Variants in CC2D2A observed in about 807,000 individuals in gnomAD.
The protein encoded by CC2D2A is coiled-coil and C2 domain containing 2A.
CC2D2A carries 155 observed loss-of-function variants against 212.9 expected under a neutral mutation model. That is an observed-to-expected ratio of 0.73 (90% CI 0.64 to 0.83). The LOEUF (loss-of-function observed/expected upper bound fraction) is 0.83. Ranked by LOEUF, CC2D2A falls within the 40% of genes least tolerant of loss-of-function variation. The pLI, the probability that CC2D2A is intolerant of heterozygous loss-of-function variation, is 0.00. For missense variants in CC2D2A, 1,856 were observed against 1,956.2 expected, an observed-to-expected ratio of 0.95 and a Z score of 0.97; for synonymous variants, 667 against 686.5, an observed-to-expected ratio of 0.97 and a Z score of 0.44.
chr4:15,538,149 C>T lies in CC2D2A; in HGVS notation c.2003+12C>T, dbSNP rs757007979. The T allele has an allele frequency of 2.0e-6, 3 of 1,532,738 alleles. No homozygotes were observed. The highest frequency in any genetic ancestry group is 1.2e-5 in the South Asian group (1 of 80,228). 94.9% of individuals were successfully genotyped at this position (1,532,738 alleles called of 1,614,324 possible). A position where few individuals can be genotyped will look rare whatever the true frequency, so the allele number is the denominator to read the frequency against. ...GACCAGTGCCCCAGGTGAGTGGATG[C>T]TCCGACCGTAAATGAGGCTGACATC... On this transcript the variant is annotated intron_variant, in intron 16 of 36. Coordinates refer to ENST00000424120, the MANE Select transcript of CC2D2A (RefSeq NM_001378615.1).
chr4:15,587,016 T>TCAC (rs372821971), intron 31 of CC2D2A, among the ~76,000 whole-genome samples: 82 of 152,326 alleles, frequency 5.4e-4, no homozygotes, highest in African/African-American at 1.9e-3. Context: ...AGACTAGAAT[T>TCAC]TGTGTACTCT....
Position 15,478,747 on chromosome 4 carries a change from G to A in CC2D2A, c.64G>A (p.Ala22Thr), listed in dbSNP as rs1396375508. 6.4e-7 allele frequency: 1 copy of A among 1,555,128 alleles called. No individual in the cohort carries two copies. The highest frequency in any genetic ancestry group is 1.2e-5 in the South Asian group (1 of 84,134). The change falls in exon 3 of 37, where the codon GCA becomes ACA. Residue 22 changes from alanine (A) to threonine (T), a missense_variant. Ala to Thr is a moderately conservative substitution (Grantham distance 58). Coordinates refer to ENST00000424120, the MANE Select transcript of CC2D2A (RefSeq NM_001378615.1). ...GGAGTTCATTGAAAATGATGAGGAT[G>A]CAGACATGGGAAGACAGAATAAGAA... ...TEEFIENDED[A>T]DMGRQNKNSK... is the part of the protein sequence containing the mutation.
At chr4:15,543,215 G>T (rs1718549062) in intron 17 of CC2D2A, among the ~76,000 whole-genome samples, 1 of 152,110 alleles carries the variant, frequency 6.6e-6, no homozygotes, top group South Asian at 2.1e-4. Flanking sequence ...TATCTGCATA[G>T]CTGAAATTTT....
At chr4:15,484,397 G>A (rs747863171) in intron 4 of CC2D2A, among the ~76,000 whole-genome samples, 2 of 152,118 alleles carry the variant, frequency 1.3e-5, no homozygotes, top group Admixed American at 6.6e-5. Flanking sequence ...CTTTTAATCC[G>A]AATGAGATGA....
intron 1 of CC2D2A, 62 bp from the exon 2 acceptor site, chr4:15,475,853 A>G (rs1316579951): frequency 3.9e-6 from 5 of 1,272,958 alleles, no homozygotes; most frequent in Non-Finnish European, 5.6e-6. Flanking sequence ...ACATATCCAT[A>G]GTAAGAGAAG....
At chr4:15,555,688 G>A (rs1462055605) in intron 20 of CC2D2A, among the ~76,000 whole-genome samples, 1 of 152,234 alleles carries the variant, frequency 6.6e-6, no homozygotes, top group Non-Finnish European at 1.5e-5. Flanking sequence ...TCAGTGAGCT[G>A]TGATCTTGCC....
At position 15,540,288 on chromosome 4, in the gene CC2D2A, G is replaced by GT. The variant is rs545715120; in HGVS notation, c.2004-538dup. 6.2e-3 allele frequency among the ~76,000 whole-genome samples: 879 copies of GT among 142,422 alleles called. 4 individuals carry two copies. Among genetic ancestry groups the GT allele is most frequent in the African/African-American group, 0.019 (739 of 39,068 alleles). 93.4% of individuals were successfully genotyped at this position (142,422 alleles called of 152,430 possible). ...TAAAATTAAAGACCAATGGGAGGTT[G>GT]TTTTTTTTTTTAACTTTCTGATTCA... On this transcript the variant is annotated intron_variant, in intron 16 of 36. Coordinates refer to ENST00000424120, the MANE Select transcript of CC2D2A (RefSeq NM_001378615.1).
At position 15,522,167 on chromosome 4, in the gene CC2D2A, C is replaced by T. The variant is rs181851859; in HGVS notation, c.1150-5280C>T. Among the ~76,000 whole-genome samples, 533 of 152,314 alleles carry T rather than the reference C, an allele frequency of 3.5e-3. 6 individuals are homozygous for T. Among genetic ancestry groups the T allele is most frequent in the African/African-American group, 0.012 (499 of 41,558 alleles). ...AGTGAGCTATTATCACACCACTGCA[C>T]GCCAGCTTGGTTGACAGAGCGAGAC... On this transcript the variant is annotated intron_variant, in intron 11 of 36. Transcript: ENST00000424120.
chr4:15,505,755 C>T (rs1683242058), intron 6 of CC2D2A, among the ~76,000 whole-genome samples: 1 of 152,158 alleles, frequency 6.6e-6, no homozygotes, highest in Admixed American at 6.5e-5. Flanking sequence ...AAAACTTGTA[C>T]TTCAAAGGAA....
Position 15,555,186 on chromosome 4 carries a change from T to C in CC2D2A, c.2601T>C (p.Asn867=). ...ESKLDPNDPN[N]APLMQLISVA... ...AGCTCGACCCAAATGACCCCAACAATGCCCCTTTGATGCAGCTTATCTCGG... is the reference window on the plus strand; with the variant it reads ...AGCTCGACCCAAATGACCCCAACAACGCCCCTTTGATGCAGCTTATCTCGG... Residue 867 remains asparagine (N), a synonymous_variant, in exon 20 of 37, where the codon AAT becomes AAC. Transcript: ENST00000424120. 1 of 1,613,688 alleles carries C rather than the reference T, an allele frequency of 6.2e-7. No individual in the cohort carries two copies. The highest frequency in any genetic ancestry group is 8.5e-7 in the Non-Finnish European group (1 of 1,179,776).
At position 15,580,132 on chromosome 4, in the gene CC2D2A, G is replaced by A. The variant is rs1217617600; in HGVS notation, c.3936G>A (p.Glu1312=). 6.2e-7 allele frequency: 1 copy of A among 1,613,850 alleles called. No individual in the cohort carries two copies. Among genetic ancestry groups the A allele is most frequent in the African/African-American group, 1.3e-5 (1 of 75,002 alleles). Residue 1312 remains glutamate (E), a synonymous_variant, in exon 30 of 37, where the codon GAG becomes GAA. Coordinates refer to ENST00000424120, the MANE Select transcript of CC2D2A (RefSeq NM_001378615.1). ...RYLKPLNPPQ[E]LLNVYPNNLQ... is the part of the protein sequence containing the mutation. ...TCAAACCTTTAAACCCTCCTCAGGA[G>A]CTCCTTAATGTCTACCCCAATAATC... is the stretch of plus-strand genomic sequence containing the variant.
At chr4:15,547,645 A>G (rs1361749672) in intron 17 of CC2D2A, among the ~76,000 whole-genome samples, 1 of 152,210 alleles carries the variant, frequency 6.6e-6, no homozygotes, top group Non-Finnish European at 1.5e-5. Flanking sequence ...GAGAAAACAA[A>G]AATGAAACTA....
intron 17 of CC2D2A, among the ~76,000 whole-genome samples, chr4:15,549,852 A>T (rs370231069): frequency 1.2e-4 from 19 of 152,258 alleles, no homozygotes; most frequent in African/African-American, 4.6e-4. Flanking sequence ...GTTGGCGGAA[A>T]GAATCCATGG....
chr4:15,576,450 A>G (rs1577389906), intron 29 of CC2D2A: 1 of 829,084 alleles, frequency 1.2e-6, no homozygotes, highest in Non-Finnish European at 1.5e-6. Context: ...CATATTTACC[A>G]ATGGAAAATT....
At chr4:15,593,303 A>G (rs1331166798) in intron 33 of CC2D2A, among the ~76,000 whole-genome samples, 1 of 152,052 alleles carries the variant, frequency 6.6e-6, no homozygotes, top group African/African-American at 2.4e-5. Context: ...TCTTGAGCCA[A>G]TTTTCTGATT....
At chr4:15,480,950 C>G in intron 4 of CC2D2A, 123 bp downstream of exon 4, 2 of 1,189,438 alleles carry the variant, frequency 1.7e-6, no homozygotes, top group East Asian at 5.3e-5. Flanking sequence ...GCTCCACCCA[C>G]TTTACCCCAA....
intron 4 of CC2D2A, among the ~76,000 whole-genome samples, chr4:15,501,339 C>G (rs998425007): frequency 6.6e-6 from 1 of 152,154 alleles, no homozygotes; most frequent in African/African-American, 2.4e-5. Context: ...CTATCTCACA[C>G]CAGGACATCC....
intron 15 of CC2D2A, 113 bp downstream of exon 15, chr4:15,537,189 T>C: frequency 2.5e-6 from 2 of 814,234 alleles, no homozygotes; most frequent in South Asian, 2.3e-5. Context: ...ATCCTGTGGC[T>C]CCCTCTGTCT....
Position 15,502,544 on chromosome 4 carries a change from T to TGGAAGA in CC2D2A, c.336+27_336+28insGGAAGA, listed in dbSNP as rs765915288. 9 of 1,564,012 alleles carry TGGAAGA rather than the reference T, an allele frequency of 5.8e-6. No individual in the cohort carries two copies. The African/African-American group carries it at 1.1e-4, about 19-fold the overall frequency. On this transcript the variant is annotated intron_variant, in intron 5 of 36. Coordinates refer to ENST00000424120, the MANE Select transcript of CC2D2A (RefSeq NM_001378615.1). Reference sequence around the variant, plus strand: ...TGAGAGAAACCACATGAATATTCTGTTCAGTGCTGATTGCAATCTTCCAGG... The same window carrying TGGAAGA: ...TGAGAGAAACCACATGAATATTCTGTGGAAGATCAGTGCTGATTGCAATCTTCCAGG...
Sources: allele counts gnomAD v4.1 joint callset (sites outside exome capture counted in the v4.1 genomes callset), GRCh38; gene constraint gnomAD v4.1.1; transcripts MANE v1.5; gene names NCBI Gene and HGNC (gene_info 2026-07-23, HGNC 2026-07-21).